MTMR2: variants seen among roughly 807,000 people sequenced by gnomAD.
The protein encoded by MTMR2 is phosphatidylinositol-3,5-bisphosphate 3-phosphatase MTMR2.
MTMR2 carries 55 observed loss-of-function variants against 86.9 expected under a neutral mutation model. The ratio of observed to expected loss-of-function variants is 0.63; its 90% confidence interval spans 0.51 to 0.79. The LOEUF (loss-of-function observed/expected upper bound fraction) is 0.79. Ranked by LOEUF, MTMR2 falls within the 30% of genes least tolerant of loss-of-function variation. MTMR2 has a pLI of 0.00. For missense variants in MTMR2, 659 were observed against 772.3 expected (o/e 0.85, Z 1.74); for synonymous variants, 241 against 266.8 (o/e 0.90, Z 0.94).
In MTMR2 at chr11:95,870,736, T is replaced by C. The variant is rs528817639; in HGVS notation, c.187-5060A>G. Among the ~76,000 whole-genome samples the C allele has an allele frequency of 2.8e-5, 4 of 144,908 alleles. No homozygotes were observed. The South Asian group carries it at 6.5e-4, about 24-fold the overall frequency. ...TTTTTTAAGGTTCTTTTTTTCTTTT[T>C]CTTTTTTTTTTTATTATACTTTAAG... is the stretch of plus-strand genomic sequence containing the variant. On this transcript the variant is annotated intron_variant, in intron 2 of 14. Transcript: ENST00000346299.
Position 95,838,075 on chromosome 11 carries a change from G to A in MTMR2, c.1593+19C>T. The A allele has an allele frequency of 4.3e-6, 6 of 1,394,770 alleles. No homozygotes were observed. The highest frequency in any genetic ancestry group is 6.1e-6 in the Non-Finnish European group (6 of 983,444). The allele number at this position is 1,394,770 out of a possible 1,614,324, so 86.4% of individuals were successfully genotyped here. A position where few individuals can be genotyped will look rare whatever the true frequency, so the allele number is the denominator to read the frequency against. On this transcript the variant is annotated intron_variant, in intron 13 of 14. Transcript: ENST00000346299. Reference sequence around the variant, plus strand: ...ATACAGTAGAGATAGTATGGGGAAGGTCATGTTTCATATTTTACCTCTTTT... The same window carrying A: ...ATACAGTAGAGATAGTATGGGGAAGATCATGTTTCATATTTTACCTCTTTT...
chr11:95,849,807 G>A lies in MTMR2; in HGVS notation c.860C>T (p.Pro287Leu). Residue 287 changes from proline to leucine, a missense_variant, in exon 9 of 15, where the codon CCC (proline) becomes CTC (leucine). Pro to Leu is a moderately conservative substitution (Grantham distance 98). Coordinates refer to ENST00000346299, the MANE Select transcript of MTMR2 (RefSeq NM_016156.6). ...SQATITRCSQPMVGVSGKRSK... is the reference protein window; with the variant it reads ...SQATITRCSQLMVGVSGKRSK... ...TCGCTTTCCACTCACTCCAACCATG[G>A]GCTGGCTACACCGAGTGATTGTGGC... The A allele has an allele frequency of 6.2e-7, 1 of 1,614,052 alleles. No individual in the cohort carries two copies. The highest frequency in any genetic ancestry group is 8.5e-7 in the Non-Finnish European group (1 of 1,180,002).
At chr11:95,891,651 C>T (rs568530110) in intron 1 of MTMR2, among the ~76,000 whole-genome samples, 143 of 152,218 alleles carry the variant, frequency 9.4e-4, no homozygotes, top group African/African-American at 3.3e-3. Context: ...CACACATAAA[C>T]ATAGGTAGAT....
chr11:95,858,465 G>C, intron 6 of MTMR2, 66 bp downstream of exon 6: 1 of 1,049,280 alleles, frequency 9.5e-7, no homozygotes, highest in Non-Finnish European at 1.5e-6. Context: ...AGACAGCCTA[G>C]ACAAGTTTCT....
intron 14 of MTMR2, 149 bp from the exon 15 acceptor site, chr11:95,835,600 G>A: frequency 3.9e-6 from 3 of 768,782 alleles, no homozygotes; most frequent in Non-Finnish European, 6.6e-6. Flanking sequence ...TACCGGGACT[G>A]TGGACACCAC....
At chr11:95,903,167 A>G (rs1330388456) in intron 1 of MTMR2, among the ~76,000 whole-genome samples, 2 of 152,110 alleles carry the variant, frequency 1.3e-5, no homozygotes, top group Non-Finnish European at 2.9e-5. Flanking sequence ...TTACCAATTA[A>G]CTGCAATCAC....
At chr11:95,837,118 G>A (rs1381634589) in intron 13 of MTMR2, among the ~76,000 whole-genome samples, 2 of 151,988 alleles carry the variant, frequency 1.3e-5, no homozygotes, top group African/African-American at 4.8e-5. Flanking sequence ...GTTGTTGAGT[G>A]CCTGCTATGC....
At chr11:95,850,807 C>A (rs2135443118) in intron 7 of MTMR2, 58 bp from the exon 8 acceptor site, 8 of 1,516,888 alleles carry the variant, frequency 5.3e-6, no homozygotes, top group Middle Eastern at 4.2e-4. Context: ...TTAAACGACA[C>A]CAGGACAGAA....
chr11:95,866,607 A>G (rs1426779148), intron 2 of MTMR2: 1 of 151,398 alleles, frequency 6.6e-6, no homozygotes, highest in African/African-American at 2.4e-5. Flanking sequence ...GAAATAGTAT[A>G]TACACACATA....
At chr11:95,847,968 T>C in intron 9 of MTMR2, 69 bp from the exon 10 acceptor site, 1 of 1,407,940 alleles carries the variant, frequency 7.1e-7, no homozygotes, top group Non-Finnish European at 1.0e-6. Context: ...ACATAAAATA[T>C]CCAATAGCAT....
At position 95,847,979 on chromosome 11, in the gene MTMR2, A is replaced by G. The variant is rs1047967377; in HGVS notation, c.994-80T>C. On this transcript the variant is annotated intron_variant, in intron 9 of 14. Coordinates refer to ENST00000346299, the MANE Select transcript of MTMR2 (RefSeq NM_016156.6). Reference sequence around the variant, plus strand: ...AGTGACATAAAATATCCAATAGCATAAAAGATGATACATATTACTGGAGAC... The same window carrying G: ...AGTGACATAAAATATCCAATAGCATGAAAGATGATACATATTACTGGAGAC... 4.5e-6 allele frequency: 6 copies of G among 1,329,540 alleles called. No individual in the cohort carries two copies. The African/African-American group carries it at 5.8e-5, about 13-fold the overall frequency. 82.4% of individuals were successfully genotyped at this position (1,329,540 alleles called of 1,614,324 possible).
chr11:95,897,746 A>T (rs1298084904), intron 1 of MTMR2, among the ~76,000 whole-genome samples: 1 of 152,168 alleles, frequency 6.6e-6, no homozygotes, highest in Non-Finnish European at 1.5e-5. Flanking sequence ...AGACCTCCTA[A>T]CAATACATAC....
intron 2 of MTMR2, among the ~76,000 whole-genome samples, chr11:95,870,748 T>TA (rs1555067229): frequency 6.6e-6 from 1 of 151,084 alleles, no homozygotes; most frequent in Non-Finnish European, 1.5e-5. Flanking sequence ...TTTTTTTTTT[T>TA]ATTATACTTT....
At position 95,860,218 on chromosome 11, in the gene MTMR2, C is replaced by T. The variant is rs972857928; in HGVS notation, c.469-1586G>A. ...CCCTTCTGACTATAATGGAAAACCA[C>T]AGGCCAGGCACAGTGGCTCACACCT... On this transcript the variant is annotated intron_variant, in intron 5 of 14. Coordinates refer to ENST00000346299, the MANE Select transcript of MTMR2 (RefSeq NM_016156.6). 2.6e-5 allele frequency among the ~76,000 whole-genome samples: 4 copies of T among 151,956 alleles called. No individual in the cohort carries two copies. In the South Asian group the frequency reaches 8.3e-4, roughly 31 times the overall value.
intron 2 of MTMR2, among the ~76,000 whole-genome samples, chr11:95,886,879 G>C (rs1865532062): frequency 1.3e-5 from 2 of 152,198 alleles, no homozygotes; most frequent in South Asian, 4.2e-4. Flanking sequence ...GTAACAACTT[G>C]AGAAGCAACA....
intron 5 of MTMR2, 102 bp from the exon 6 acceptor site, chr11:95,858,734 A>T: frequency 1.3e-6 from 1 of 787,880 alleles, no homozygotes; most frequent in Admixed American, 2.0e-5. Context: ...AGATCTGTGA[A>T]TGTGGGATAC....
Position 95,862,111 on chromosome 11 carries a change from G to C in MTMR2, c.358-9C>G. 2 of 1,584,566 alleles carry C rather than the reference G, an allele frequency of 1.3e-6. No homozygotes were observed. The highest frequency in any genetic ancestry group is 1.7e-6 in the Non-Finnish European group (2 of 1,156,356). On this transcript the variant is annotated splice_polypyrimidine_tract_variant and intron_variant, in intron 4 of 14. Coordinates refer to ENST00000346299, the MANE Select transcript of MTMR2 (RefSeq NM_016156.6). Reference sequence around the variant, plus strand: ...AAAACAAATGGGGGATCCTAAAGAAGGAAAGAAAAAATAATTAAAACTGAG... The same window carrying C: ...AAAACAAATGGGGGATCCTAAAGAACGAAAGAAAAAATAATTAAAACTGAG...
At chr11:95,838,360 T>A (rs893530622) in intron 12 of MTMR2, among the ~76,000 whole-genome samples, 153 bp from the exon 13 acceptor site, 5 of 152,036 alleles carry the variant, frequency 3.3e-5, no homozygotes, top group Admixed American at 2.6e-4. Flanking sequence ...TTCGTATGGT[T>A]TTCTTTTCAA....
chr11:95,892,380 G>GTCT (rs746879756), intron 1 of MTMR2, among the ~76,000 whole-genome samples: 4 of 152,140 alleles, frequency 2.6e-5, no homozygotes, highest in Admixed American at 6.5e-5. Context: ...TAAACTCTCA[G>GTCT]TCTTCTACAC....
Sources: allele counts gnomAD v4.1 joint callset (sites outside exome capture counted in the v4.1 genomes callset), GRCh38; gene constraint gnomAD v4.1.1; transcripts MANE v1.5; gene names NCBI Gene and HGNC (gene_info 2026-07-23, HGNC 2026-07-21).